Variants in TOX3 observed in about 807,000 individuals in gnomAD.
The protein encoded by TOX3 is CAG trinucleotide repeat-containing gene F9 protein.
TOX3 carries 22 observed loss-of-function variants against 64.3 expected under a neutral mutation model. That is an observed-to-expected ratio of 0.34 (90% confidence interval 0.24 to 0.49). The LOEUF is 0.49. Ranked by LOEUF, TOX3 falls within the 20% of genes least tolerant of loss-of-function variation. The pLI, the probability that TOX3 is intolerant of heterozygous loss-of-function variation, is 0.99. For synonymous variants in TOX3, 291 were observed against 273.6 expected, an observed-to-expected ratio of 1.06 and a Z score of -0.63; for missense variants, 661 against 714.4, an observed-to-expected ratio of 0.93 and a Z score of 0.85.
intron 1 of TOX3, among the ~76,000 whole-genome samples, chr16:52,521,867 C>T (rs1962620629): frequency 6.6e-6 from 1 of 152,150 alleles, no homozygotes; most frequent in South Asian, 2.1e-4. Flanking sequence ...CTCTCATGCT[C>T]AGTGAAGTTT....
chr16:52,528,258 G>A (rs1417476504), intron 1 of TOX3, among the ~76,000 whole-genome samples: 1 of 152,172 alleles, frequency 6.6e-6, no homozygotes, highest in Non-Finnish European at 1.5e-5. Flanking sequence ...GGTATACAGA[G>A]AGTTATAGTG....
chr16:52,513,322 A>G (rs1270640314), intron 1 of TOX3, among the ~76,000 whole-genome samples: 1 of 152,226 alleles, frequency 6.6e-6, no homozygotes, highest in Non-Finnish European at 1.5e-5. Flanking sequence ...CTGGAGATGT[A>G]TGGTATATTC....
intron 2 of TOX3, among the ~76,000 whole-genome samples, chr16:52,467,907 A>AC (rs1277956110): frequency 6.6e-6 from 1 of 152,166 alleles, no homozygotes; most frequent in Non-Finnish European, 1.5e-5. Context: ...CCCAGCTGTG[A>AC]CCAAGTCTTG....
intron 2 of TOX3, among the ~76,000 whole-genome samples, chr16:52,464,749 T>C (rs1960801836): frequency 6.6e-6 from 1 of 152,204 alleles, no homozygotes; most frequent in Non-Finnish European, 1.5e-5. Flanking sequence ...TGTAATACAA[T>C]GTTTTATATA....
At chr16:52,532,764 G>A (rs1323248109) in intron 1 of TOX3, among the ~76,000 whole-genome samples, 1 of 152,162 alleles carries the variant, frequency 6.6e-6, no homozygotes, top group Non-Finnish European at 1.5e-5. Flanking sequence ...AGGAAGAAGG[G>A]GGAAAGCTGT....
intron 1 of TOX3, among the ~76,000 whole-genome samples, chr16:52,536,457 C>T (rs1358838006): frequency 3.3e-5 from 5 of 149,820 alleles, no homozygotes; most frequent in African/African-American, 4.9e-5. Context: ...AGGCTGGTAC[C>T]GTTAAAACAC....
intron 1 of TOX3, among the ~76,000 whole-genome samples, chr16:52,535,010 A>G (rs1962919715): frequency 6.6e-6 from 1 of 152,188 alleles, no homozygotes; most frequent in Admixed American, 6.5e-5. Context: ...CCAAAACTGA[A>G]GAAAGGCCTG....
At chr16:52,477,365 G>A (rs1167064745) in intron 1 of TOX3, among the ~76,000 whole-genome samples, 1 of 152,110 alleles carries the variant, frequency 6.6e-6, no homozygotes, top group Non-Finnish European at 1.5e-5. Context: ...AGAGGAAGGA[G>A]GCAGAGAGAG....
At chr16:52,470,504 G>T (rs1297764182) in intron 1 of TOX3, among the ~76,000 whole-genome samples, 1 of 152,040 alleles carries the variant, frequency 6.6e-6, no homozygotes, top group Non-Finnish European at 1.5e-5. Context: ...AAATAAAATG[G>T]CTATTAAACT....
intron 3 of TOX3, among the ~76,000 whole-genome samples, chr16:52,452,808 AT>A (rs1385782088): frequency 2.0e-5 from 3 of 152,182 alleles, no homozygotes; most frequent in African/African-American, 7.2e-5. Flanking sequence ...AAATACATAC[AT>A]TTCCCATTTC....
chr16:52,526,076 T>C (rs1339377182), intron 1 of TOX3, among the ~76,000 whole-genome samples: 1 of 152,218 alleles, frequency 6.6e-6, no homozygotes, highest in African/African-American at 2.4e-5. Context: ...ATTCTCATAC[T>C]TTTCTGCCTA....
chr16:52,531,321 T>A (rs1962847784), intron 1 of TOX3, among the ~76,000 whole-genome samples: 1 of 152,212 alleles, frequency 6.6e-6, no homozygotes, highest in Admixed American at 6.5e-5. Flanking sequence ...GCAATGACTG[T>A]CAATAGTGAC....
chr16:52,538,883 C>G (rs1182592665), intron 1 of TOX3, among the ~76,000 whole-genome samples: 8 of 152,076 alleles, frequency 5.3e-5, no homozygotes, highest in Admixed American at 4.6e-4. Context: ...AACGATCTAC[C>G]TCAAAGGGAT....
chr16:52,480,334 A>C (rs1395236213), intron 1 of TOX3, among the ~76,000 whole-genome samples: 1 of 152,210 alleles, frequency 6.6e-6, no homozygotes, highest in African/African-American at 2.4e-5. Context: ...ATAAAAAGTC[A>C]TGTAAGATAA....
intron 1 of TOX3, among the ~76,000 whole-genome samples, chr16:52,481,166 G>A (rs1332758736): frequency 1.3e-5 from 2 of 152,172 alleles, no homozygotes; most frequent in African/African-American, 4.8e-5. Context: ...CAAATACAAT[G>A]TGTTGTTTCT....
intron 6 of TOX3, 84 bp from the exon 7 acceptor site, chr16:52,440,052 AT>A (rs921465674): frequency 6.6e-5 from 78 of 1,174,054 alleles, no homozygotes; most frequent in Non-Finnish European, 7.8e-5. Context: ...TTATAAATTG[AT>A]TTTTTTTAAC....
intron 3 of TOX3, among the ~76,000 whole-genome samples, chr16:52,452,571 C>T (rs1447892290): frequency 1.3e-5 from 2 of 151,500 alleles, no homozygotes. Flanking sequence ...GGAGATATAC[C>T]TAATGCTAAA....
chr16:52,513,699 C>G (rs2151473760), intron 1 of TOX3, among the ~76,000 whole-genome samples: 1 of 152,156 alleles, frequency 6.6e-6, no homozygotes, highest in Non-Finnish European at 1.5e-5. Flanking sequence ...TGAGATAGGC[C>G]AATCTAAAAC....
intron 1 of TOX3, among the ~76,000 whole-genome samples, chr16:52,525,097 C>T (rs1256884917): frequency 2.0e-5 from 3 of 152,234 alleles, no homozygotes; most frequent in East Asian, 1.9e-4. Flanking sequence ...CTGACAATCC[C>T]GTGCTTTGTG....
Sources: allele counts gnomAD v4.1 joint callset (sites outside exome capture counted in the v4.1 genomes callset), GRCh38; gene constraint gnomAD v4.1.1; transcripts MANE v1.5; gene names NCBI Gene and HGNC (gene_info 2026-07-23, HGNC 2026-07-21).